The following EIF4H variants were observed in gnomAD, a reference collection of about 807,000 sequenced individuals.
EIF4H encodes Williams-Beuren syndrome chromosome region 1.
Under a neutral mutation model 30.6 loss-of-function variants are expected in EIF4H, and 8 were observed. The ratio of observed to expected loss-of-function variants is 0.26; its 90% CI spans 0.15 to 0.47. The LOEUF (loss-of-function observed/expected upper bound fraction) is 0.47. Among genes scored for constraint, EIF4H ranks in the 20% least tolerant of loss-of-function variants. EIF4H has a pLI of 0.99. For synonymous variants in EIF4H, 106 were observed against 122.7 expected (o/e 0.86, Z 0.90); for missense variants, 188 against 339.5 (o/e 0.55, Z 3.51).
rs1801174674 is a variant in EIF4H at position 74,190,270 on chromosome 7, A to G, written c.433A>G (p.Arg145Gly). 1.2e-6 allele frequency: 2 copies of G among 1,614,206 alleles called. No individual in the cohort carries two copies. The highest frequency in any genetic ancestry group is 1.7e-6 in the Non-Finnish European group (2 of 1,180,036). The change falls in exon 5 of 7, where the codon AGA becomes GGA. Residue 145 changes from arginine to glycine, a missense_variant. Arg to Gly is a moderately radical substitution (Grantham distance 125, BLOSUM62 -2). Coordinates refer to ENST00000265753, the MANE Select transcript of EIF4H (RefSeq NM_022170.2). Reference protein sequence around the residue: ...DRGMGSSRESRGGWDSRDDFN... With the variant: ...DRGMGSSRESGGGWDSRDDFN... ...AGGAATGGGTAGCTCTCGAGAATCT[A>G]GAGGTGGATGGGATTCCCGGGATGA...
intron 1 of EIF4H, among the ~76,000 whole-genome samples, chr7:74,178,856 A>C (rs1473642013): frequency 6.6e-6 from 1 of 152,136 alleles, no homozygotes; most frequent in Non-Finnish European, 1.5e-5. Context: ...AAGTTTCCCC[A>C]CGTCATGATT....
intron 1 of EIF4H, among the ~76,000 whole-genome samples, chr7:74,185,383 T>A (rs1801059841): frequency 6.6e-6 from 1 of 152,198 alleles, no homozygotes; most frequent in Non-Finnish European, 1.5e-5. Flanking sequence ...ATATCAGCGA[T>A]AGAGTACTAT....
intron 5 of EIF4H, among the ~76,000 whole-genome samples, chr7:74,193,423 G>T (rs1801269334): frequency 6.6e-6 from 1 of 152,142 alleles, no homozygotes; most frequent in African/African-American, 2.4e-5. Flanking sequence ...GCAAATATGG[G>T]ATCTGTGGAT....
At chr7:74,186,096 A>AT (rs782691769) in intron 1 of EIF4H, among the ~76,000 whole-genome samples, 1 of 152,120 alleles carries the variant, frequency 6.6e-6, no homozygotes, top group Non-Finnish European at 1.5e-5. Flanking sequence ...CATGCCCTTT[A>AT]TGCTGACCTG....
intron 1 of EIF4H, among the ~76,000 whole-genome samples, chr7:74,178,557 AAG>A (rs1445212520): frequency 1.3e-5 from 2 of 152,088 alleles, no homozygotes; most frequent in African/African-American, 4.8e-5. Flanking sequence ...AAAAAAAAAA[AAG>A]AAAAATTAAG....
At chr7:74,188,656 A>C (rs1379428307) in intron 2 of EIF4H, among the ~76,000 whole-genome samples, 3 of 152,180 alleles carry the variant, frequency 2.0e-5, no homozygotes, top group African/African-American at 7.2e-5. Flanking sequence ...AAGCTCCAGG[A>C]AGCATTAGGA....
chr7:74,193,779 A>G (rs1801280564), intron 5 of EIF4H, among the ~76,000 whole-genome samples: 1 of 151,990 alleles, frequency 6.6e-6, no homozygotes, highest in Admixed American at 6.6e-5. Flanking sequence ...TGCCCAGCTA[A>G]TTTTTGTGTT....
At chr7:74,192,795 A>G (rs1554710153) in intron 5 of EIF4H, among the ~76,000 whole-genome samples, 1 of 146,742 alleles carries the variant, frequency 6.8e-6, no homozygotes, top group African/African-American at 2.5e-5. Context: ...CTCCTGCCTC[A>G]GCCTCCCAAG....
intron 1 of EIF4H, among the ~76,000 whole-genome samples, chr7:74,181,300 A>AT (rs764978243): frequency 7.2e-4 from 109 of 151,966 alleles, no homozygotes; most frequent in Middle Eastern, 6.8e-3. Context: ...AATAGTTCTT[A>AT]TTTTTTTAAA....
At chr7:74,188,036 G>A (rs561801714) in intron 2 of EIF4H, among the ~76,000 whole-genome samples, 26 of 152,190 alleles carry the variant, frequency 1.7e-4, no homozygotes, top group Non-Finnish European at 2.9e-4. Flanking sequence ...ATATGCCCAG[G>A]TTTGTGAGCC....
At position 74,196,613 on chromosome 7, in the gene EIF4H, G is replaced by A. The variant is rs1285269969; in HGVS notation, c.*1305G>A. On this transcript the variant is annotated 3_prime_UTR_variant, in exon 7 of 7. Transcript: ENST00000265753. Reference sequence around the variant, plus strand: ...CTGTCCTATGGGGAGCAGTTTGGGGGCGGCCGGCAGCAGGAGCCTGGGAAA... The same window carrying A: ...CTGTCCTATGGGGAGCAGTTTGGGGACGGCCGGCAGCAGGAGCCTGGGAAA... The A allele has an allele frequency of 6.6e-6, 1 of 151,856 alleles. No individual in the cohort carries two copies. The highest frequency in any genetic ancestry group is 1.9e-4 in the East Asian group (1 of 5,156). 9.4% of individuals were successfully genotyped at this position (151,856 alleles called of 1,614,324 possible). A position where few individuals can be genotyped will look rare whatever the true frequency, so the allele number is the denominator to read the frequency against.
chr7:74,175,657 ATCGCCTT>A (rs1554707544), intron 1 of EIF4H, among the ~76,000 whole-genome samples: 2 of 152,108 alleles, frequency 1.3e-5, no homozygotes, highest in Non-Finnish European at 2.9e-5. Context: ...ACATGAAATT[ATCGCCTT>A]TGGGTTAGGT....
intron 1 of EIF4H, among the ~76,000 whole-genome samples, chr7:74,182,265 A>C (rs1194913683): frequency 6.6e-6 from 1 of 152,198 alleles, no homozygotes; most frequent in Non-Finnish European, 1.5e-5. Flanking sequence ...TCTTCTCTAT[A>C]CTACTATGGT....
Position 74,196,751 on chromosome 7 carries a change from C to G in EIF4H, c.*1443C>G, listed in dbSNP as rs1245241045. The G allele has an allele frequency of 2.0e-5, 3 of 151,128 alleles. No homozygotes were observed. The highest frequency in any genetic ancestry group is 7.3e-5 in the African/African-American group (3 of 41,038). 9.4% of individuals were successfully genotyped at this position (151,128 alleles called of 1,614,324 possible). ...GGGCTTTTCCTACTGTGTCTTGTTA[C>G]AAGGCCTCAGCAATCCACAGAACTC... On this transcript the variant is annotated 3_prime_UTR_variant, in exon 7 of 7. Coordinates refer to ENST00000265753, the MANE Select transcript of EIF4H (RefSeq NM_022170.2).
At chr7:74,182,403 C>G (rs2115950904) in intron 1 of EIF4H, among the ~76,000 whole-genome samples, 1 of 152,336 alleles carries the variant, frequency 6.6e-6, no homozygotes, top group East Asian at 1.9e-4. Context: ...GTTCCCCACG[C>G]TGGTCTCAAA....
chr7:74,191,607 AT>A (rs1431672164), intron 5 of EIF4H, among the ~76,000 whole-genome samples: 19 of 151,834 alleles, frequency 1.3e-4, no homozygotes, highest in Non-Finnish European at 1.3e-4. Context: ...GGATGGTGCT[AT>A]TTTTTTTAAT....
chr7:74,187,575 T>A, intron 1 of EIF4H, 36 bp from the exon 2 acceptor site: 1 of 1,505,276 alleles, frequency 6.6e-7, no homozygotes. Context: ...TATTCCACTC[T>A]GGGCACACTT....
chr7:74,180,504 G>T (rs1294822599), intron 1 of EIF4H, among the ~76,000 whole-genome samples: 10 of 152,190 alleles, frequency 6.6e-5, no homozygotes, highest in Admixed American at 1.3e-4. Flanking sequence ...CAAGTGCATG[G>T]TGGGAAAGCA....
chr7:74,182,999 G>A (rs1454317146), intron 1 of EIF4H, among the ~76,000 whole-genome samples: 1 of 152,104 alleles, frequency 6.6e-6, no homozygotes, highest in African/African-American at 2.4e-5. Context: ...TGCTTGTGAC[G>A]TGATTTCTCC....
Sources: allele counts gnomAD v4.1 joint callset (sites outside exome capture counted in the v4.1 genomes callset), GRCh38; gene constraint gnomAD v4.1.1; transcripts MANE v1.5; gene names NCBI Gene and HGNC (gene_info 2026-07-23, HGNC 2026-07-21).